ENTPD5: variants seen among roughly 807,000 people sequenced by gnomAD.
ENTPD5 encodes the protein ectonucleoside triphosphate diphosphohydrolase 5 (inactive).
Under a neutral mutation model 60.2 loss-of-function variants are expected in ENTPD5, and 49 were observed. The observed-to-expected ratio is 0.81, with a 90% CI of 0.65 to 1.03. The LOEUF (loss-of-function observed/expected upper bound fraction) is 1.03, where lower values mean the gene tolerates loss of function less well. Among genes scored for constraint, ENTPD5 ranks in the 50% least tolerant of loss-of-function variants. The probability of loss-of-function intolerance (pLI) is 0.00; values close to 1 mark genes in which losing one functional copy is unlikely to be tolerated. For synonymous variants in ENTPD5, 187 were observed against 185.4 expected, an observed-to-expected ratio of 1.01 and a Z score of -0.07; for missense variants, 480 against 507.6, an observed-to-expected ratio of 0.95 and a Z score of 0.52.
At chr14:73,983,289 CT>C (rs2057767341) in intron 5 of ENTPD5, 128 bp from the exon 6 acceptor site, 1 of 953,724 alleles carries the variant, frequency 1.0e-6, no homozygotes, top group Non-Finnish European at 1.5e-6. Flanking sequence ...TCTCTCTGCT[CT>C]GTAGCAGGAG....
At chr14:74,009,529 T>A (rs1405830720) in intron 3 of ENTPD5, among the ~76,000 whole-genome samples, 1 of 152,206 alleles carries the variant, frequency 6.6e-6, no homozygotes, top group Non-Finnish European at 1.5e-5. Flanking sequence ...GAATAGGGGT[T>A]CCCCATAATT....
chr14:73,981,493 T>C (rs565856623), intron 6 of ENTPD5, among the ~76,000 whole-genome samples: 3 of 146,162 alleles, frequency 2.1e-5, no homozygotes, highest in Admixed American at 6.8e-5. Flanking sequence ...AAAAAAAAAA[T>C]GTATATATAT....
intron 5 of ENTPD5, among the ~76,000 whole-genome samples, chr14:73,983,884 T>C (rs983256514): frequency 9.9e-5 from 15 of 151,116 alleles, no homozygotes; most frequent in Admixed American, 9.9e-4. Flanking sequence ...AGAGACAGGG[T>C]GTCACCATCT....
At chr14:73,963,121 T>C (rs190702778), downstream of ENTPD5, 28 of 911,570 alleles carry the variant, frequency 3.1e-5, no homozygotes, top group Middle Eastern at 9.2e-4. Flanking sequence ...AATTCTCTTT[T>C]TCTTCTTTGC....
intron 2 of ENTPD5, among the ~76,000 whole-genome samples, chr14:74,012,037 T>C (rs1459811881): frequency 6.6e-6 from 1 of 152,234 alleles, no homozygotes. Context: ...ATTTGAATTA[T>C]GGATTTGACT....
At chr14:73,955,991 G>A (rs2056412265), downstream of ENTPD5, 1 of 1,605,778 alleles carries the variant, frequency 6.2e-7, no homozygotes, top group East Asian at 2.2e-5. Flanking sequence ...CTTACTGGAA[G>A]AAAGGATCTC....
intron 3 of ENTPD5, chr14:73,996,604 C>T (rs1451641312): frequency 6.6e-6 from 1 of 151,422 alleles, no homozygotes; most frequent in Non-Finnish European, 1.5e-5. Context: ...GTGCTAGATT[C>T]TTGATATATA....
At chr14:73,955,677 T>A, downstream of ENTPD5, 3 of 1,487,722 alleles carry the variant, frequency 2.0e-6, no homozygotes, top group South Asian at 3.4e-5. Context: ...TCTCATTTTA[T>A]ATTTTCCTAC....
chr14:73,958,732 G>T (rs964183628), downstream of ENTPD5: 201 of 1,420,414 alleles, frequency 1.4e-4, no homozygotes, highest in Non-Finnish European at 1.8e-4. Context: ...AGGAGGGCCT[G>T]GCTGAGTTTA....
At chr14:73,961,945 A>C (rs766549530), downstream of ENTPD5, 18 of 1,609,986 alleles carry the variant, frequency 1.1e-5, no homozygotes, top group Admixed American at 2.8e-4. Flanking sequence ...AACAGCTCTT[A>C]ATTTCTTTTG....
chr14:74,006,284 C>CTTTTTTTTTTTTT (rs1224060585), intron 3 of ENTPD5, among the ~76,000 whole-genome samples: 1 of 130,002 alleles, frequency 7.7e-6, no homozygotes. Context: ...CTCGCCAAGC[C>CTTTTTTTTTTTTT]TTTTTTTTTT....
intron 6 of ENTPD5, among the ~76,000 whole-genome samples, chr14:73,981,807 C>CA (rs56117033): frequency 0.012 from 1,522 of 124,718 alleles, 19 homozygotes; most frequent in African/African-American, 0.042. Flanking sequence ...ACTCTGTTTC[C>CA]AAAAAAAAAA....
chr14:73,976,031 A>T lies in ENTPD5; in HGVS notation c.643-16T>A. 1 of 1,602,506 alleles carries T rather than the reference A, an allele frequency of 6.2e-7. No individual in the cohort carries two copies. Among genetic ancestry groups the T allele is most frequent in the African/African-American group, 1.3e-5 (1 of 74,770 alleles). ...CCAGAGTTTTCTGCAAATCAGAAAA[A>T]GCAAAAAGACTATTCAGGATCTGTA... On this transcript the variant is annotated splice_polypyrimidine_tract_variant and intron_variant, in intron 9 of 15. Transcript: ENST00000334696.
At chr14:74,003,324 T>C (rs1440870267) in intron 3 of ENTPD5, 2 of 472,094 alleles carry the variant, frequency 4.2e-6, no homozygotes, top group Admixed American at 2.7e-5. Flanking sequence ...TGGAATTCAA[T>C]AAAAACTGAC....
intron 6 of ENTPD5, among the ~76,000 whole-genome samples, chr14:73,980,886 T>A (rs2057659991): frequency 6.6e-6 from 1 of 151,772 alleles, no homozygotes; most frequent in African/African-American, 2.4e-5. Context: ...TCACCTTAGG[T>A]CAGGAGTTTG....
chr14:73,957,987 A>G, downstream of ENTPD5: 1 of 687,898 alleles, frequency 1.5e-6, no homozygotes, highest in Admixed American at 2.2e-5. Flanking sequence ...GGCTTCTGTC[A>G]TTTATTAGCT....
chr14:74,003,636 C>A (rs1024565401), intron 3 of ENTPD5, among the ~76,000 whole-genome samples: 2 of 152,178 alleles, frequency 1.3e-5, no homozygotes, highest in Admixed American at 1.3e-4. Flanking sequence ...ACCTCTGAGA[C>A]CCACCTTGCT....
Position 73,986,899 on chromosome 14 carries a change from T to C in ENTPD5, c.218-6A>G. 2.5e-6 allele frequency: 4 copies of C among 1,612,662 alleles called. No individual in the cohort carries two copies. Among genetic ancestry groups the C allele is most frequent in the Non-Finnish European group, 3.4e-6 (4 of 1,178,648 alleles). On this transcript the variant is annotated splice_region_variant and splice_polypyrimidine_tract_variant and intron_variant, in intron 4 of 15. Transcript: ENST00000334696. ...TTCTAGAATTGGAAGCTGTCCTATT[T>C]TGTCCATGGAACAAAACAGAAGAGA...
downstream of ENTPD5, among the ~76,000 whole-genome samples, chr14:73,957,051 CCTTT>C (rs1317588603): frequency 2.0e-5 from 3 of 151,860 alleles, no homozygotes; most frequent in Admixed American, 2.0e-4. Flanking sequence ...TCCACTTGAA[CCTTT>C]CTTTGTTGTC....
Sources: gnomAD v4.1 joint callset for allele counts (sites outside exome capture counted in the v4.1 genomes callset) on GRCh38, gnomAD v4.1.1 for gene constraint, MANE v1.5 for transcripts, NCBI Gene and HGNC (gene_info 2026-07-23, HGNC 2026-07-21) for gene names.